The following STXBP5L variants were observed in gnomAD, a reference collection of about 807,000 sequenced individuals.
The protein encoded by STXBP5L is syntaxin-binding protein 5-like.
A neutral mutation model predicts 144.5 loss-of-function variants in STXBP5L; 65 were observed. That is an observed-to-expected ratio of 0.45 (90% CI 0.37 to 0.55). The LOEUF is 0.55. Among genes scored for constraint, STXBP5L ranks in the 20% least tolerant of loss-of-function variants. The pLI is 0.00. For missense variants in STXBP5L, 1,298 were observed against 1,405.5 expected, an observed-to-expected ratio of 0.92 and a Z score of 1.22; for synonymous variants, 505 against 469.6, an observed-to-expected ratio of 1.08 and a Z score of -0.97.
At position 121,423,161 on chromosome 3, in the gene STXBP5L, A is replaced by G. The variant is rs1576390125; in HGVS notation, c.*4064A>G. Reference sequence around the variant, plus strand: ...CAATGCAAAAGAAGTCAAAACATTCATATCAGGTCTTGGTATCTGTGTCAG... The same window carrying G: ...CAATGCAAAAGAAGTCAAAACATTCGTATCAGGTCTTGGTATCTGTGTCAG... On this transcript the variant is annotated 3_prime_UTR_variant, in exon 27 of 27. Transcript: ENST00000471454. The G allele has an allele frequency of 6.6e-6, 1 of 152,216 alleles. No individual in the cohort carries two copies. Among genetic ancestry groups the G allele is most frequent in the East Asian group, 1.9e-4 (1 of 5,196 alleles). The allele number at this position is 152,216 out of a possible 1,614,324, so 9.4% of individuals were successfully genotyped here. A position where few individuals can be genotyped will look rare whatever the true frequency, so the allele number is the denominator to read the frequency against.
intron 7 of STXBP5L, among the ~76,000 whole-genome samples, chr3:121,149,323 ATCTC>A (rs201261879): frequency 2.6e-5 from 4 of 151,228 alleles, no homozygotes; most frequent in African/African-American, 9.7e-5. Context: ...ACTTCTTTAA[ATCTC>A]TCTCTCTCTC....
intron 2 of STXBP5L, among the ~76,000 whole-genome samples, chr3:120,948,617 ATAGGT>A (rs1711002137): frequency 6.6e-6 from 1 of 151,838 alleles, no homozygotes; most frequent in African/African-American, 2.4e-5. Flanking sequence ...TTGTGTCCTC[ATAGGT>A]TAGCTCTTAC....
At chr3:121,040,171 C>A (rs994575278) in intron 3 of STXBP5L, among the ~76,000 whole-genome samples, 2 of 151,872 alleles carry the variant, frequency 1.3e-5, no homozygotes, top group Admixed American at 6.6e-5. Flanking sequence ...AATGCCATAC[C>A]TCTTGAATTT....
intron 3 of STXBP5L, among the ~76,000 whole-genome samples, chr3:121,025,497 G>A (rs1219417478): frequency 6.6e-6 from 1 of 152,112 alleles, no homozygotes; most frequent in East Asian, 1.9e-4. Context: ...ATTATCAGCT[G>A]AAGCTGAAGC....
intron 8 of STXBP5L, among the ~76,000 whole-genome samples, chr3:121,157,124 C>T (rs2046143414): frequency 6.6e-6 from 1 of 152,000 alleles, no homozygotes; most frequent in African/African-American, 2.4e-5. Context: ...GTAGTTAGAC[C>T]TTGGTTTTGA....
At chr3:121,207,557 G>A (rs2048386192) in intron 10 of STXBP5L, among the ~76,000 whole-genome samples, 1 of 152,150 alleles carries the variant, frequency 6.6e-6, no homozygotes, top group Admixed American at 6.6e-5. Flanking sequence ...CCTACAGAAT[G>A]AGAGAAAATT....
At chr3:120,938,684 A>G (rs928399787) in intron 2 of STXBP5L, among the ~76,000 whole-genome samples, 1 of 152,168 alleles carries the variant, frequency 6.6e-6, no homozygotes, top group Admixed American at 6.5e-5. Context: ...GATGGGATCA[A>G]ACTACTGAAA....
At chr3:121,229,232 ACT>A (rs2049222567) in intron 11 of STXBP5L, among the ~76,000 whole-genome samples, 1 of 151,346 alleles carries the variant, frequency 6.6e-6, no homozygotes, top group African/African-American at 2.4e-5. Context: ...TACATCTATA[ACT>A]CTCCTTACAT....
intron 9 of STXBP5L, among the ~76,000 whole-genome samples, chr3:121,183,183 G>T (rs948941514): frequency 6.6e-6 from 1 of 152,136 alleles, no homozygotes; most frequent in Non-Finnish European, 1.5e-5. Flanking sequence ...CACAGTCAAC[G>T]TCATACTGAA....
chr3:121,330,076 T>G (rs1281010141), intron 20 of STXBP5L, among the ~76,000 whole-genome samples: 1 of 152,210 alleles, frequency 6.6e-6, no homozygotes, highest in Non-Finnish European at 1.5e-5. Flanking sequence ...ATCAGGGTTT[T>G]AATAATTATA....
intron 5 of STXBP5L, among the ~76,000 whole-genome samples, chr3:121,082,485 G>A (rs1448896686): frequency 6.6e-6 from 1 of 152,188 alleles, no homozygotes; most frequent in East Asian, 1.9e-4. Context: ...TTCAGGCAGA[G>A]GCAGCTTTAT....
intron 20 of STXBP5L, among the ~76,000 whole-genome samples, chr3:121,343,171 T>C (rs1002421680): frequency 2.8e-4 from 42 of 152,168 alleles, no homozygotes; most frequent in African/African-American, 9.7e-4. Context: ...GTTCATGTCC[T>C]TCACCCACTT....
At chr3:121,270,190 A>G (rs1055154315) in intron 18 of STXBP5L, among the ~76,000 whole-genome samples, 5 of 151,404 alleles carry the variant, frequency 3.3e-5, no homozygotes, top group African/African-American at 1.2e-4. Context: ...AGAACTGAAA[A>G]CTGGTCTTAC....
At position 121,356,119 on chromosome 3, in the gene STXBP5L, G is replaced by T. The variant is rs35335914; in HGVS notation, c.2177-22597G>T. Among the ~76,000 whole-genome samples, 4 of 152,086 alleles carry T rather than the reference G, an allele frequency of 2.6e-5. No homozygotes were observed. The East Asian group carries it at 5.8e-4, about 22-fold the overall frequency. On this transcript the variant is annotated intron_variant, in intron 20 of 26. Transcript: ENST00000471454. Reference sequence around the variant, plus strand: ...AGGTATCTGTCAGCCTCTACTGGGAGGTGTCTGCCAGTTAGGCTGAACAGG... The same window carrying T: ...AGGTATCTGTCAGCCTCTACTGGGATGTGTCTGCCAGTTAGGCTGAACAGG...
intron 20 of STXBP5L, among the ~76,000 whole-genome samples, chr3:121,322,494 G>C (rs1354585721): frequency 8.9e-6 from 1 of 112,016 alleles, no homozygotes; most frequent in Non-Finnish European, 1.9e-5. Context: ...AAAAAAAAAA[G>C]ACATGACTTT....
chr3:121,078,799 G>T (rs2042133991), intron 5 of STXBP5L, among the ~76,000 whole-genome samples: 1 of 152,270 alleles, frequency 6.6e-6, no homozygotes, highest in African/African-American at 2.4e-5. Context: ...TGGCCCAGGT[G>T]CTAAGCCCTT....
In STXBP5L at chr3:121,401,638, G is replaced by A. The variant is rs1437166852; in HGVS notation, c.2588-5605G>A. The stretch of plus-strand genomic sequence containing the variant: ...AAACCATCATTCTCAGTAAACTATC[G>A]CAAGAACAAAAAACCAAACACCGCA... On this transcript the variant is annotated intron_variant, in intron 22 of 26. Coordinates refer to ENST00000471454, the MANE Select transcript of STXBP5L (RefSeq NM_001308330.2). Among the ~76,000 whole-genome samples, 10 of 123,404 alleles carry A rather than the reference G, an allele frequency of 8.1e-5. No individual in the cohort carries two copies. In the South Asian group the frequency reaches 9.6e-4, roughly 12 times the overall value. 81.0% of individuals were successfully genotyped at this position (123,404 alleles called of 152,430 possible).
intron 2 of STXBP5L, among the ~76,000 whole-genome samples, chr3:120,944,139 T>A (rs1710720268): frequency 1.3e-5 from 2 of 151,362 alleles, no homozygotes; most frequent in South Asian, 4.1e-4. Context: ...ATGTGGGAAG[T>A]ATGCTTGTAT....
intron 5 of STXBP5L, among the ~76,000 whole-genome samples, chr3:121,068,460 T>C (rs1201699282): frequency 1.3e-5 from 2 of 152,158 alleles, no homozygotes; most frequent in Non-Finnish European, 1.5e-5. Context: ...TTTTTCTCTA[T>C]ATGACATTAA....
Sources: gnomAD v4.1 joint callset for allele counts (sites outside exome capture counted in the v4.1 genomes callset) on GRCh38, gnomAD v4.1.1 for gene constraint, MANE v1.5 for transcripts, NCBI Gene and HGNC (gene_info 2026-07-23, HGNC 2026-07-21) for gene names.